TMCO6: variants seen among roughly 807,000 people sequenced by gnomAD.
TMCO6 encodes transmembrane and coiled-coil domains 6.
In TMCO6, 47 loss-of-function variants were observed where a neutral mutation model predicts 61.8. The observed-to-expected ratio is 0.76, with a 90% CI of 0.60 to 0.97. The LOEUF is 0.97. Among genes scored for constraint, TMCO6 ranks in the 50% least tolerant of loss-of-function variants. The pLI is 0.00. For synonymous variants in TMCO6, 261 were observed against 254.2 expected, an observed-to-expected ratio of 1.03 and a Z score of -0.25; for missense variants, 557 against 601.6, an observed-to-expected ratio of 0.93 and a Z score of 0.78.
the TMCO6 span, among the ~76,000 whole-genome samples, chr5:140,613,889 T>G: frequency 4.0e-5 from 6 of 150,862 alleles, no homozygotes; most frequent in African/African-American, 1.5e-4. Flanking sequence ...TCATCGTTTT[T>G]TTTTGTTGTT....
rs1260310810 is a variant in TMCO6, at chr5:140,643,047, AG to A, written c.806+9del. The A allele has an allele frequency of 6.2e-7, 1 of 1,614,084 alleles. No individual in the cohort carries two copies. Among genetic ancestry groups the A allele is most frequent in the African/African-American group, 1.3e-5 (1 of 74,924 alleles). On this transcript the variant is annotated splice_region_variant and intron_variant, in intron 7 of 11. Transcript: ENST00000394671. ...CTTCATTACATCATCTGCAGGTAACAGGGCAATTGGGAAAGTACCACAGATC... is the reference window on the plus strand; with the variant it reads ...CTTCATTACATCATCTGCAGGTAACAGGCAATTGGGAAAGTACCACAGATC...
the TMCO6 span, among the ~76,000 whole-genome samples, chr5:140,604,409 A>T: frequency 4.0e-3 from 602 of 151,864 alleles, 7 homozygotes; most frequent in Middle Eastern, 0.031. Flanking sequence ...AATAAATAAA[A>T]AATAAAATTG....
At chr5:140,614,534 A>T in the TMCO6 span, among the ~76,000 whole-genome samples, 1 of 136,952 alleles carries the variant, frequency 7.3e-6, no homozygotes, top group Non-Finnish European at 1.6e-5. Flanking sequence ...ACAACAACAA[A>T]TGTAACAGCA....
chr5:140,625,065 G>C, the TMCO6 span, among the ~76,000 whole-genome samples: 1 of 151,698 alleles, frequency 6.6e-6, no homozygotes, highest in African/African-American at 2.4e-5. Flanking sequence ...TCTTGGCCAG[G>C]CTGATCTCAA....
chr5:140,633,272 C>A, the TMCO6 span: 1 of 662,316 alleles, frequency 1.5e-6, no homozygotes, highest in South Asian at 1.7e-5. Context: ...TCTCTTCCTC[C>A]GAGCCAGCCC....
chr5:140,608,425 G>A, the TMCO6 span, among the ~76,000 whole-genome samples: 1 of 152,022 alleles, frequency 6.6e-6, no homozygotes, highest in Non-Finnish European at 1.5e-5. Flanking sequence ...TATATAATTT[G>A]CAACATTTTC....
Position 140,642,414 on chromosome 5 carries a change from A to C in TMCO6, c.598A>C (p.Ile200Leu). ...CATTGTTCCAGCCTTGGCTGCCTGC[A>C]TCCAGGTGACTCCTTTCTTCCTCCC... ...QGIVPALAACIQSPHVAVLEA... is the reference protein window; with the variant it reads ...QGIVPALAACLQSPHVAVLEA... The change falls in exon 5 of 12, where the codon ATC becomes CTC. Residue 200 changes from isoleucine (I) to leucine (L), a missense_variant. Coordinates refer to ENST00000394671, the MANE Select transcript of TMCO6 (RefSeq NM_018502.5). The C allele has an allele frequency of 1.2e-6, 2 of 1,612,642 alleles. No homozygotes were observed. The highest frequency in any genetic ancestry group is 2.2e-5 in the South Asian group (2 of 90,756).
the TMCO6 span, among the ~76,000 whole-genome samples, chr5:140,626,781 A>C: frequency 6.6e-6 from 1 of 152,092 alleles, no homozygotes; most frequent in Non-Finnish European, 1.5e-5. Context: ...TGAACTCCTG[A>C]CCTCAGGCAA....
intron 4 of TMCO6, 30 bp downstream of exon 4, chr5:140,642,083 T>C (rs747210397): frequency 3.8e-6 from 6 of 1,580,410 alleles, no homozygotes; most frequent in Admixed American, 3.5e-5. Context: ...ATCTTGTTCT[T>C]GGTTTAGATT....
At chr5:140,609,857 T>C in the TMCO6 span, among the ~76,000 whole-genome samples, 2 of 152,058 alleles carry the variant, frequency 1.3e-5, no homozygotes, top group African/African-American at 4.8e-5. Context: ...TTTTTGCTGC[T>C]GTTGCAAGTG....
the TMCO6 span, among the ~76,000 whole-genome samples, chr5:140,623,287 C>T: frequency 1.5e-4 from 23 of 152,300 alleles, no homozygotes; most frequent in Admixed American, 7.2e-4. Flanking sequence ...CAGATAAACT[C>T]AAGTTGCAAA....
chr5:140,608,177 C>A, the TMCO6 span, among the ~76,000 whole-genome samples: 1 of 152,064 alleles, frequency 6.6e-6, no homozygotes, highest in Admixed American at 6.6e-5. Flanking sequence ...ATTATAATTT[C>A]TTTGTGGCAA....
Position 140,642,968 on chromosome 5 carries a change from T to C in TMCO6, c.733T>C (p.Leu245=). 3 of 1,614,228 alleles carry C rather than the reference T, an allele frequency of 1.9e-6. No homozygotes were observed. The highest frequency in any genetic ancestry group is 1.7e-6 in the Non-Finnish European group (2 of 1,180,040). The change falls in exon 7 of 12, where the codon TTG becomes CTG. Residue 245 remains leucine (L), a synonymous_variant. Coordinates refer to ENST00000394671, the MANE Select transcript of TMCO6 (RefSeq NM_018502.5). ...STLPQHMLQM[L]QPGPKLNPGV... ...TCTCCCTCAGCACATGCTACAAATG[T>C]TGCAACCTGGCCCAAAGCTCAACCC...
At chr5:140,632,696 C>G in the TMCO6 span, 2 of 1,613,766 alleles carry the variant, frequency 1.2e-6, no homozygotes, top group Non-Finnish European at 1.7e-6. The surrounding 1 kb of genome is among the most constrained non-coding windows in gnomAD (Gnocchi z 6.2). Context: ...GTGCGGCTCC[C>G]ACTGTGAGCC....
At chr5:140,632,391 C>A in the TMCO6 span, 1 of 1,614,040 alleles carries the variant, frequency 6.2e-7, no homozygotes, top group African/African-American at 1.3e-5. This position sits in a 1 kb window ranked among gnomAD's most constrained non-coding sequence, Gnocchi z 6.2. Flanking sequence ...CAGGTCTAGG[C>A]TGGTAAGGGC....
chr5:140,639,185 T>G, upstream of TMCO6: 1 of 238,066 alleles, frequency 4.2e-6, no homozygotes, highest in Non-Finnish European at 8.5e-6. Flanking sequence ...GGTGGGGAAG[T>G]TGTGTTTGCT....
chr5:140,602,793 C>A, the TMCO6 span, among the ~76,000 whole-genome samples: 137 of 145,130 alleles, frequency 9.4e-4, no homozygotes, highest in Middle Eastern at 3.8e-3. Flanking sequence ...CACACACACA[C>A]AAAAAAAAAG....
At chr5:140,636,442 G>A (rs192942585), upstream of TMCO6, among the ~76,000 whole-genome samples, 7 of 150,148 alleles carry the variant, frequency 4.7e-5, no homozygotes, top group East Asian at 1.9e-4. Flanking sequence ...GCACTGCAGC[G>A]TGGGCAACCG....
upstream of TMCO6, among the ~76,000 whole-genome samples, chr5:140,637,741 A>G (rs1337136326): frequency 2.0e-5 from 3 of 152,134 alleles, no homozygotes; most frequent in Non-Finnish European, 4.4e-5. Context: ...GGTCTCCACA[A>G]TCCTTTATCT....
Sources: allele counts gnomAD v4.1 joint callset (sites outside exome capture counted in the v4.1 genomes callset), GRCh38; gene constraint gnomAD v4.1.1; non-coding constraint Gnocchi (gnomAD v3.1); transcripts MANE v1.5; gene names NCBI Gene and HGNC (gene_info 2026-07-23, HGNC 2026-07-21).